Variants in FCRL5 observed in about 807,000 individuals in gnomAD.
FCRL5 encodes Fc receptor like 5.
FCRL5 carries 79 observed loss-of-function variants against 92.1 expected under a neutral mutation model. That is an observed-to-expected ratio of 0.86 (90% CI 0.72 to 1.03). The LOEUF (loss-of-function observed/expected upper bound fraction) is 1.03, where lower values mean the gene tolerates loss of function less well. Among genes scored for constraint, FCRL5 ranks in the 50% least tolerant of loss-of-function variants. The pLI is 0.00. For synonymous variants in FCRL5, 466 were observed against 469.3 expected (o/e 0.99, Z 0.09); for missense variants, 1,160 against 1,181.1 (o/e 0.98, Z 0.26).
intron 4 of FCRL5, 111 bp downstream of exon 4, chr1:157,544,720 G>A (rs1270420050): frequency 1.5e-5 from 22 of 1,472,240 alleles, no homozygotes; most frequent in Non-Finnish European, 2.0e-5. Flanking sequence ...GCAGGAATGT[G>A]TCCTGTGGTT....
chr1:157,515,655 A>G lies in FCRL5; in HGVS notation c.*20T>C. ...TTTGGGGTGCAGAGGCTGAAACAGC[A>G]GTTGGAGAGACGTGTGGACTCATCT... On this transcript the variant is annotated 3_prime_UTR_variant, in exon 17 of 17. Transcript: ENST00000361835. 5.6e-6 allele frequency: 9 copies of G among 1,614,228 alleles called. No individual in the cohort carries two copies. The highest frequency in any genetic ancestry group is 7.6e-6 in the Non-Finnish European group (9 of 1,180,046).
intron 5 of FCRL5, 71 bp from the exon 6 acceptor site, chr1:157,543,208 C>G (rs1170662099): frequency 4.1e-6 from 6 of 1,472,900 alleles, no homozygotes; most frequent in Non-Finnish European, 5.5e-6. Flanking sequence ...ATGGCCAGTG[C>G]AAATGCCCAG....
chr1:157,527,377 G>T (rs541802362), intron 9 of FCRL5, among the ~76,000 whole-genome samples: 1 of 152,182 alleles, frequency 6.6e-6, no homozygotes, highest in Non-Finnish European at 1.5e-5. Flanking sequence ...CCTATGTTAG[G>T]GGAATTTTGG....
chr1:157,537,939 T>C (rs1354903207), intron 7 of FCRL5, among the ~76,000 whole-genome samples: 1 of 152,218 alleles, frequency 6.6e-6, no homozygotes, highest in Non-Finnish European at 1.5e-5. Context: ...TGATGTTTTC[T>C]CTATTACTTG....
chr1:157,543,320 A>C (rs757364099), intron 5 of FCRL5, among the ~76,000 whole-genome samples, 183 bp from the exon 6 acceptor site: 6 of 152,160 alleles, frequency 3.9e-5, no homozygotes, highest in African/African-American at 7.2e-5. Context: ...GGAATGTTGC[A>C]CCTGAAGTGC....
rs1327206949 is a variant in FCRL5, at chr1:157,531,154, G to A, written c.1682-3259C>T. On this transcript the variant is annotated intron_variant, in intron 8 of 16. Coordinates refer to ENST00000361835, the MANE Select transcript of FCRL5 (RefSeq NM_031281.3). Reference sequence around the variant, plus strand: ...ACCAAACAAGCTGATTAAAAAATGGGCAAAAGACTTTAACAGACATTTCTC... The same window carrying A: ...ACCAAACAAGCTGATTAAAAAATGGACAAAAGACTTTAACAGACATTTCTC... Among the ~76,000 whole-genome samples, 4 of 152,204 alleles carry A rather than the reference G, an allele frequency of 2.6e-5. No individual in the cohort carries two copies. The South Asian group carries it at 8.3e-4, about 32-fold the overall frequency.
intron 8 of FCRL5, 195 bp from the exon 9 acceptor site, chr1:157,528,090 C>T: frequency 2.0e-6 from 1 of 511,554 alleles, no homozygotes; most frequent in East Asian, 3.3e-5. Context: ...CCAAAAAGCT[C>T]CTAGATCTGA....
chr1:157,547,305 G>A, intron 2 of FCRL5, 108 bp from the exon 3 acceptor site: 2 of 1,426,546 alleles, frequency 1.4e-6, no homozygotes, highest in Non-Finnish European at 1.9e-6. Context: ...ATCTGAAAGA[G>A]GTCCTCTGGG....
In FCRL5 at chr1:157,544,515, G is replaced by T; in HGVS notation, c.591C>A (p.Ser197Arg). ...EPFTRPVLRA[S>R]SFQPISGNPV... is the part of the protein sequence containing the mutation. The stretch of plus-strand genomic sequence containing the variant: ...GGTTCCCGCTGATGGGCTGGAAGGA[G>T]CTGGCTCTCAGCACTGGACGTGTAA... The change falls in exon 5 of 17, where the codon AGC becomes AGA. Residue 197 changes from serine (S) to arginine (R), a missense_variant. Transcript: ENST00000361835. The T allele has an allele frequency of 6.2e-7, 1 of 1,614,162 alleles. No homozygotes were observed. The highest frequency in any genetic ancestry group is 8.5e-7 in the Non-Finnish European group (1 of 1,180,026).
chr1:157,538,573 CT>C (rs1372354122), intron 7 of FCRL5, among the ~76,000 whole-genome samples: 1 of 152,246 alleles, frequency 6.6e-6, no homozygotes, highest in Admixed American at 6.5e-5. Flanking sequence ...CCTTTCTTAC[CT>C]ACTGCCCAAT....
At chr1:157,537,512 G>A (rs12123179) in intron 7 of FCRL5, among the ~76,000 whole-genome samples, 13,324 of 152,016 alleles carry the variant, frequency 0.088, 1,575 homozygotes, top group African/African-American at 0.27. Context: ...TTTTAATTTC[G>A]CCCCGGTCCT....
chr1:157,542,631 T>G, intron 6 of FCRL5: 4 of 497,528 alleles, frequency 8.0e-6, no homozygotes, highest in South Asian at 4.4e-5. Flanking sequence ...AACCAGGGGA[T>G]AGAAAGCCAC....
At chr1:157,542,375 A>C (rs193205145) in intron 6 of FCRL5, 1 of 154,760 alleles carries the variant, frequency 6.5e-6, no homozygotes, top group East Asian at 1.9e-4. Flanking sequence ...AACTCTAAAA[A>C]AGGCTTGAGC....
chr1:157,527,492 G>A, intron 9 of FCRL5, 125 bp downstream of exon 9: 1 of 928,196 alleles, frequency 1.1e-6, no homozygotes, highest in East Asian at 2.5e-5. Flanking sequence ...AGGCTGTGTA[G>A]GCACCAAGCC....
At chr1:157,538,272 TC>T (rs1444737831) in intron 7 of FCRL5, among the ~76,000 whole-genome samples, 5 of 152,262 alleles carry the variant, frequency 3.3e-5, no homozygotes, top group African/African-American at 1.2e-4. Context: ...TTGCTTGTCT[TC>T]CAAGGTGGTA....
intron 7 of FCRL5, among the ~76,000 whole-genome samples, chr1:157,536,144 G>T (rs1228720343): frequency 6.6e-6 from 1 of 152,024 alleles, no homozygotes; most frequent in African/African-American, 2.4e-5. Flanking sequence ...ATTTCACTAT[G>T]TTGGCCAGGC....
intron 7 of FCRL5, among the ~76,000 whole-genome samples, chr1:157,537,352 A>G (rs1651013801): frequency 6.6e-6 from 1 of 152,210 alleles, no homozygotes; most frequent in African/African-American, 2.4e-5. Context: ...GGATGAAATA[A>G]GCTCTGGTCT....
intron 16 of FCRL5, 34 bp from the exon 17 acceptor site, chr1:157,515,798 G>C (rs1409258922): frequency 1.9e-6 from 3 of 1,613,492 alleles, no homozygotes. Context: ...GAGGACCAGG[G>C]TGGGCCTGGG....
chr1:157,527,642 A>C lies in FCRL5; in HGVS notation c.1935T>G (p.Ser645Arg), dbSNP rs1233711411. The C allele has an allele frequency of 2.5e-6, 4 of 1,611,644 alleles. No individual in the cohort carries two copies. In the Admixed American group the frequency reaches 6.7e-5, roughly 27 times the overall value. Residue 645 changes from serine (S) to arginine (R), a missense_variant, in exon 9 of 17, where the codon AGT becomes AGG. Ser to Arg is a moderately radical substitution (Grantham distance 110). Coordinates refer to ENST00000361835, the MANE Select transcript of FCRL5 (RefSeq NM_031281.3). ...CTATAACACTGAGTGATATTGTGTC[A>C]CTGTGCTGGGCCACTAGGCCATTGT... ...EANNGLVAQH[S>R]DTISLSVIVP...
Sources: allele counts gnomAD v4.1 joint callset (sites outside exome capture counted in the v4.1 genomes callset), GRCh38; gene constraint gnomAD v4.1.1; transcripts MANE v1.5; gene names NCBI Gene and HGNC (gene_info 2026-07-23, HGNC 2026-07-21).